The following PLPP4 variants were observed in gnomAD, a reference collection of about 807,000 sequenced individuals.
The protein encoded by PLPP4 is phospholipid phosphatase 4.
PLPP4 carries 20 observed loss-of-function variants against 32.2 expected under a neutral mutation model. The observed-to-expected ratio is 0.62, with a 90% CI of 0.44 to 0.90. PLPP4 has a LOEUF of 0.90. Ranked by LOEUF, PLPP4 falls within the 40% of genes least tolerant of loss-of-function variation. The probability of loss-of-function intolerance (pLI) is 0.00; values close to 1 mark genes in which losing one functional copy is unlikely to be tolerated. For synonymous variants in PLPP4, 127 were observed against 133.0 expected (o/e 0.95, Z 0.31); for missense variants, 257 against 353.1 (o/e 0.73, Z 2.18).
intron 1 of PLPP4, among the ~76,000 whole-genome samples, chr10:120,465,912 C>T (rs973127396): frequency 1.3e-5 from 2 of 152,074 alleles, no homozygotes; most frequent in African/African-American, 2.4e-5. Flanking sequence ...TGTTCGTTCT[C>T]GTGTGCTCCA....
In PLPP4 at chr10:120,484,285, A is replaced by G. The variant is rs541762171; in HGVS notation, c.57-19533A>G. On this transcript the variant is annotated intron_variant, in intron 1 of 6. Transcript: ENST00000398250. ...AACAGTATATCATTGCAAATAGTCA[A>G]TCACCATAAATGGTCAGTGTATGGC... Among the ~76,000 whole-genome samples the G allele has an allele frequency of 3.7e-4, 57 of 152,356 alleles. 1 individual carries two copies. Among genetic ancestry groups the G allele is most frequent in the East Asian group, 1.9e-3 (10 of 5,190 alleles).
intron 1 of PLPP4, among the ~76,000 whole-genome samples, chr10:120,462,970 T>C (rs988221715): frequency 2.0e-5 from 3 of 151,652 alleles, no homozygotes; most frequent in Non-Finnish European, 2.9e-5. Context: ...TTCTATGTAA[T>C]GAATACATTC....
chr10:120,567,529 G>C (rs185394652), intron 5 of PLPP4, among the ~76,000 whole-genome samples: 1 of 152,260 alleles, frequency 6.6e-6, no homozygotes, highest in Admixed American at 6.5e-5. Context: ...TTCTATTTTT[G>C]TTTCAATGCC....
intron 5 of PLPP4, among the ~76,000 whole-genome samples, chr10:120,553,535 C>T (rs1848005030): frequency 6.6e-6 from 1 of 152,198 alleles, no homozygotes; most frequent in African/African-American, 2.4e-5. Context: ...TTATAAAGTA[C>T]CCAGTGTATG....
intron 2 of PLPP4, among the ~76,000 whole-genome samples, chr10:120,508,982 T>A (rs1845617770): frequency 6.6e-6 from 1 of 152,238 alleles, no homozygotes; most frequent in Admixed American, 6.5e-5. Context: ...TGGTTTGGGC[T>A]CCACAGTGGC....
At chr10:120,494,739 G>T (rs1844885664) in intron 1 of PLPP4, among the ~76,000 whole-genome samples, 1 of 152,140 alleles carries the variant, frequency 6.6e-6, no homozygotes, top group South Asian at 2.1e-4. Flanking sequence ...CAAGAGAGTT[G>T]GTAGGAGCAA....
intron 5 of PLPP4, among the ~76,000 whole-genome samples, chr10:120,547,540 G>T (rs981153837): frequency 4.6e-5 from 7 of 152,334 alleles, no homozygotes; most frequent in South Asian, 2.1e-4. Flanking sequence ...ATTCATCAAA[G>T]TGTTGCTTTC....
rs1346049525 is a variant in PLPP4, at chr10:120,493,138, CTT to C, written c.57-10677_57-10676del. On this transcript the variant is annotated intron_variant, in intron 1 of 6. Transcript: ENST00000398250. ...CATCCTCAGTGTTTCTTTTTAATAG[CTT>C]TTGGTTTGTTTTGACCCAAGACCTG... Among the ~76,000 whole-genome samples, 11 of 152,256 alleles carry C rather than the reference CTT, an allele frequency of 7.2e-5. No homozygotes were observed. In the South Asian group the frequency reaches 1.9e-3, roughly 26 times the overall value.
intron 5 of PLPP4, among the ~76,000 whole-genome samples, chr10:120,552,581 C>G (rs1040527540): frequency 6.6e-6 from 1 of 152,224 alleles, no homozygotes; most frequent in Non-Finnish European, 1.5e-5. Context: ...TTCACATGCA[C>G]ATACTTTTGT....
In PLPP4 at chr10:120,500,590, T is replaced by C. The variant is rs111528034; in HGVS notation, c.57-3228T>C. 9.6e-3 allele frequency among the ~76,000 whole-genome samples: 1,366 copies of C among 142,610 alleles called. 7 individuals carry two copies. Among genetic ancestry groups the C allele is most frequent in the Non-Finnish European group, 0.016 (1,086 of 67,160 alleles). The allele number at this position is 142,610 out of a possible 152,430, so 93.6% of individuals were successfully genotyped here. ...AAGCCACTGAGCTTCTGCCTTGTTC[T>C]GGGATACCTGCTGTGGGGGAAGCCA... On this transcript the variant is annotated intron_variant, in intron 1 of 6. Coordinates refer to ENST00000398250, the MANE Select transcript of PLPP4 (RefSeq NM_001030059.3).
chr10:120,558,002 ATAT>A (rs2134003330), intron 5 of PLPP4, among the ~76,000 whole-genome samples: 1 of 151,482 alleles, frequency 6.6e-6, no homozygotes, highest in South Asian at 2.1e-4. Context: ...ATTGGCTTAA[ATAT>A]TATATTTACT....
chr10:120,504,536 C>A (rs1258601391), intron 2 of PLPP4, among the ~76,000 whole-genome samples: 1 of 152,228 alleles, frequency 6.6e-6, no homozygotes, highest in Admixed American at 6.5e-5. Context: ...AAGCAACTAA[C>A]TGGGCTAAAG....
intron 3 of PLPP4, among the ~76,000 whole-genome samples, chr10:120,516,467 T>C (rs1845938876): frequency 6.6e-6 from 1 of 151,858 alleles, no homozygotes; most frequent in Non-Finnish European, 1.5e-5. Context: ...CAGGTCTGTA[T>C]AATAGAGAAC....
chr10:120,537,788 C>T (rs572950894), intron 5 of PLPP4, among the ~76,000 whole-genome samples: 13 of 152,086 alleles, frequency 8.5e-5, no homozygotes, highest in Admixed American at 1.3e-4. Context: ...AATATCACAT[C>T]GTATGCTTTG....
At chr10:120,511,264 A>G (rs1845716458) in intron 2 of PLPP4, among the ~76,000 whole-genome samples, 1 of 152,130 alleles carries the variant, frequency 6.6e-6, no homozygotes, top group South Asian at 2.1e-4. Context: ...GGGCAGCTCT[A>G]ATGAATTCTT....
chr10:120,571,091 G>GGTGT (rs1325313688), intron 5 of PLPP4, among the ~76,000 whole-genome samples: 1 of 74,046 alleles, frequency 1.4e-5, no homozygotes, highest in East Asian at 4.6e-4. Flanking sequence ...GTAGTAAAGG[G>GGTGT]GCGTGTGTGT....
At chr10:120,492,623 T>C (rs1200676712) in intron 1 of PLPP4, among the ~76,000 whole-genome samples, 1 of 152,212 alleles carries the variant, frequency 6.6e-6, no homozygotes, top group East Asian at 1.9e-4. Context: ...AGGGGACATA[T>C]GCCTTGCCCA....
rs546424820 is a variant in PLPP4 at position 120,466,295 on chromosome 10, T to C, written c.56+8934T>C. ...CAGCAGTTGCACCCCTACGTATATA[T>C]GTACAAGAAATTACAAATAGGTTCA... On this transcript the variant is annotated intron_variant, in intron 1 of 6. Transcript: ENST00000398250. Among the ~76,000 whole-genome samples the C allele has an allele frequency of 8.5e-5, 13 of 152,124 alleles. No homozygotes were observed. The East Asian group carries it at 2.5e-3, about 30-fold the overall frequency.
intron 2 of PLPP4, among the ~76,000 whole-genome samples, chr10:120,513,428 A>T (rs7906489): frequency 0.86 from 131,167 of 152,220 alleles, 56,542 homozygotes; most frequent in Middle Eastern, 0.94. Context: ...AGAGTCTTTA[A>T]ACAAACGGAC....
Sources: allele counts gnomAD v4.1 joint callset (sites outside exome capture counted in the v4.1 genomes callset), GRCh38; gene constraint gnomAD v4.1.1; transcripts MANE v1.5; gene names NCBI Gene and HGNC (gene_info 2026-07-23, HGNC 2026-07-21).